GARNL3: variants seen among roughly 807,000 people sequenced by gnomAD.
GARNL3 encodes GTPase-activating Rap/Ran-GAP domain-like protein 3.
In GARNL3, 63 loss-of-function variants were observed where a neutral mutation model predicts 125.0. The ratio of observed to expected loss-of-function variants is 0.50; its 90% CI spans 0.41 to 0.62. The LOEUF (loss-of-function observed/expected upper bound fraction) is 0.62. Among genes scored for constraint, GARNL3 ranks in the 20% least tolerant of loss-of-function variants. The pLI, the probability that GARNL3 is intolerant of heterozygous loss-of-function variation, is 0.00. For missense variants in GARNL3, 994 were observed against 1,244.0 expected, an observed-to-expected ratio of 0.80 and a Z score of 3.02; for synonymous variants, 439 against 457.5, an observed-to-expected ratio of 0.96 and a Z score of 0.52.
chr9:127,333,183 C>A, intron 9 of GARNL3, 62 bp downstream of exon 9: 1 of 1,348,874 alleles, frequency 7.4e-7, no homozygotes, highest in African/African-American at 1.4e-5. Context: ...TCAGCCTGAC[C>A]CGTGTCTGAA....
intron 14 of GARNL3, among the ~76,000 whole-genome samples, chr9:127,343,369 A>G (rs532994919): frequency 6.6e-6 from 1 of 152,296 alleles, no homozygotes; most frequent in African/African-American, 2.4e-5. Context: ...AAGATGAGCA[A>G]TGATGTCCTT....
At chr9:127,231,316 C>T (rs2131134714) in intron 1 of GARNL3, among the ~76,000 whole-genome samples, 1 of 150,262 alleles carries the variant, frequency 6.7e-6, no homozygotes, top group African/African-American at 2.5e-5. Context: ...TCATGATCCG[C>T]CCGCCTCGGC....
chr9:127,281,378 C>T (rs977164198), intron 1 of GARNL3, among the ~76,000 whole-genome samples: 3 of 152,120 alleles, frequency 2.0e-5, no homozygotes, highest in Non-Finnish European at 4.4e-5. Context: ...GGGCCAGGGA[C>T]AAGGATGATA....
chr9:127,298,836 C>T (rs1385243541), intron 2 of GARNL3, among the ~76,000 whole-genome samples: 1 of 152,110 alleles, frequency 6.6e-6, no homozygotes. Context: ...AATTCAACCA[C>T]AAATTTATTA....
intron 22 of GARNL3, among the ~76,000 whole-genome samples, chr9:127,376,471 G>A (rs1831921719): frequency 6.6e-6 from 1 of 152,110 alleles, no homozygotes; most frequent in Non-Finnish European, 1.5e-5. Flanking sequence ...GCCCGCCTCG[G>A]CCTCCCAGAG....
intron 21 of GARNL3, chr9:127,363,815 A>G (rs527591367): frequency 1.3e-5 from 2 of 152,246 alleles, no homozygotes; most frequent in Non-Finnish European, 2.9e-5. Context: ...ATGCTAACAA[A>G]AAGGAGGAGT....
At chr9:127,335,786 A>G (rs1272677128) in intron 10 of GARNL3, among the ~76,000 whole-genome samples, 1 of 152,162 alleles carries the variant, frequency 6.6e-6, no homozygotes, top group Non-Finnish European at 1.5e-5. Flanking sequence ...AGGACATATC[A>G]TAAGTGGTCC....
At chr9:127,391,701 A>C (rs935261991) in intron 27 of GARNL3, among the ~76,000 whole-genome samples, 1 of 82,920 alleles carries the variant, frequency 1.2e-5, no homozygotes, top group Non-Finnish European at 2.5e-5. Context: ...ACCCCGTGTC[A>C]AAAAAAAAAA....
intron 1 of GARNL3, among the ~76,000 whole-genome samples, chr9:127,283,783 T>C (rs7866055): frequency 2.4e-3 from 361 of 152,338 alleles, no homozygotes; most frequent in Middle Eastern, 0.017. Context: ...CCTAGCCAAA[T>C]GATCACTTAA....
intron 21 of GARNL3, among the ~76,000 whole-genome samples, chr9:127,361,150 G>A (rs1830975058): frequency 6.6e-6 from 1 of 152,164 alleles, no homozygotes; most frequent in Non-Finnish European, 1.5e-5. Flanking sequence ...GCTAGGAGAG[G>A]TACAGTTCCT....
chr9:127,362,093 C>T (rs1831036585), intron 21 of GARNL3: 1 of 125,832 alleles, frequency 7.9e-6, no homozygotes, highest in African/African-American at 3.1e-5. Context: ...TTTTTTGAGA[C>T]AGAGTTTCGC....
intron 21 of GARNL3, among the ~76,000 whole-genome samples, chr9:127,359,262 G>A (rs1004657804): frequency 2.6e-5 from 4 of 152,186 alleles, no homozygotes; most frequent in South Asian, 2.1e-4. Context: ...GGCCAAGGCC[G>A]GCGGATCACC....
intron 22 of GARNL3, among the ~76,000 whole-genome samples, chr9:127,371,460 C>G (rs2131753219): frequency 6.6e-6 from 1 of 152,322 alleles, no homozygotes; most frequent in East Asian, 1.9e-4. Context: ...ACGGAAGGAA[C>G]TGGTGCAGGC....
chr9:127,323,596 G>A (rs2065468880), intron 6 of GARNL3, among the ~76,000 whole-genome samples: 1 of 152,130 alleles, frequency 6.6e-6, no homozygotes, highest in Non-Finnish European at 1.5e-5. Context: ...TGAGAGGTGC[G>A]ATCCTTTTCT....
intron 16 of GARNL3, among the ~76,000 whole-genome samples, chr9:127,347,152 G>C (rs1830183208): frequency 6.6e-6 from 1 of 152,148 alleles, no homozygotes; most frequent in African/African-American, 2.4e-5. Context: ...GGGTGCAGTG[G>C]TTCATGCCTA....
chr9:127,253,096 T>C (rs1433356395), intron 2 of GARNL3, among the ~76,000 whole-genome samples: 1 of 152,236 alleles, frequency 6.6e-6, no homozygotes, highest in African/African-American at 2.4e-5. Context: ...ATGAATATGC[T>C]GTATAAGGCA....
chr9:127,244,921 C>A (rs1192099996), intron 2 of GARNL3, among the ~76,000 whole-genome samples: 1 of 152,140 alleles, frequency 6.6e-6, no homozygotes, highest in Non-Finnish European at 1.5e-5. Context: ...AAATTTCAGG[C>A]GATACTGAAT....
chr9:127,227,165 C>G (rs548326688), intron 1 of GARNL3, among the ~76,000 whole-genome samples: 1 of 152,310 alleles, frequency 6.6e-6, no homozygotes, highest in East Asian at 1.9e-4. Flanking sequence ...TTTTATTACC[C>G]TCTCCTTTGT....
intron 1 of GARNL3, among the ~76,000 whole-genome samples, chr9:127,270,616 G>T (rs1338211553): frequency 2.0e-5 from 3 of 152,162 alleles, no homozygotes; most frequent in Middle Eastern, 3.4e-3. Context: ...TTCTCAGAGG[G>T]GCCTCCCCTG....
Sources: allele counts gnomAD v4.1 joint callset (sites outside exome capture counted in the v4.1 genomes callset), GRCh38; gene constraint gnomAD v4.1.1; transcripts MANE v1.5; gene names NCBI Gene and HGNC (gene_info 2026-07-23, HGNC 2026-07-21).